CNTROB: variants seen among roughly 807,000 people sequenced by gnomAD.
CNTROB encodes the protein centrobin, centriole duplication and spindle assembly protein, also known as centrobin.
Under a neutral mutation model 115.7 loss-of-function variants are expected in CNTROB, and 82 were observed. The ratio of observed to expected loss-of-function variants is 0.71; its 90% CI spans 0.59 to 0.85. CNTROB has a LOEUF of 0.85. CNTROB is among the 40% of genes least tolerant of loss of function. CNTROB has a pLI of 0.00. For missense variants in CNTROB, 1,014 were observed against 1,144.4 expected (o/e 0.89, Z 1.64); for synonymous variants, 439 against 456.4 (o/e 0.96, Z 0.49).
chr17:7,942,851 G>T (rs964495901), intron 9 of CNTROB, among the ~76,000 whole-genome samples: 2 of 122,502 alleles, frequency 1.6e-5, no homozygotes, highest in African/African-American at 6.2e-5. Flanking sequence ...TCCCAGGTTG[G>T]AGTGCAGTGG....
Position 7,945,715 on chromosome 17 carries a change from C to T in CNTROB, c.1735-13C>T. The T allele has an allele frequency of 6.2e-7, 1 of 1,610,910 alleles. No homozygotes were observed. The highest frequency in any genetic ancestry group is 8.5e-7 in the Non-Finnish European group (1 of 1,178,308). On this transcript the variant is annotated splice_polypyrimidine_tract_variant and intron_variant, in intron 12 of 18. Transcript: ENST00000563694. Reference sequence around the variant, plus strand: ...TGTGCTTTGACCCTTCTTTCTGCCTCTCTCCTGGTCAGGCTCCTCCTGCTG... The same window carrying T: ...TGTGCTTTGACCCTTCTTTCTGCCTTTCTCCTGGTCAGGCTCCTCCTGCTG...
rs781513518 is a variant in CNTROB, at chr17:7,948,143, T to C, written c.2210-14T>C. 6.2e-7 allele frequency: 1 copy of C among 1,614,064 alleles called. No homozygotes were observed. ...CCCCATTTCCTGATTCTTGGCATTCTTTCCTTTTGCTAGGTCCTCTGACTG... is the reference window on the plus strand; with the variant it reads ...CCCCATTTCCTGATTCTTGGCATTCCTTCCTTTTGCTAGGTCCTCTGACTG... On this transcript the variant is annotated splice_polypyrimidine_tract_variant and intron_variant, in intron 15 of 18. Transcript: ENST00000563694. This position sits in a 1 kb window ranked among gnomAD's most constrained non-coding sequence, Gnocchi z 4.4.
At position 7,933,163 on chromosome 17, in the gene CNTROB, C is replaced by T. The variant is rs1356247605; in HGVS notation, c.84C>T (p.Asn28=). 2 of 1,614,104 alleles carry T rather than the reference C, an allele frequency of 1.2e-6. No individual in the cohort carries two copies. Residue 28 remains asparagine, a synonymous_variant, in exon 1 of 19, where the codon AAC becomes AAT. Coordinates refer to ENST00000563694, the MANE Select transcript of CNTROB (RefSeq NM_053051.5). ...ATTCATCAGAACCCCCTGGGCTCAA[C>T]CAAGTGTCGTCTGAAGTGACCTCCC... ...LSDSSEPPGL[N]QVSSEVTSQL...
chr17:7,940,917 A>G (rs575514115), intron 9 of CNTROB, among the ~76,000 whole-genome samples: 19 of 152,334 alleles, frequency 1.2e-4, no homozygotes, highest in Non-Finnish European at 2.1e-4. Flanking sequence ...GCAACTACCC[A>G]ACTCTGCTGT....
intron 3 of CNTROB, 80 bp from the exon 4 acceptor site, chr17:7,934,909 T>C: frequency 1.4e-6 from 2 of 1,480,468 alleles, no homozygotes; most frequent in South Asian, 2.7e-5. Flanking sequence ...CTCAGTTTCC[T>C]CATTTGTAGA....
chr17:7,949,400 G>A lies in CNTROB; in HGVS notation c.2602G>A (p.Val868Ile). The A allele has an allele frequency of 1.9e-6, 3 of 1,614,084 alleles. No homozygotes were observed. The highest frequency in any genetic ancestry group is 2.5e-6 in the Non-Finnish European group (3 of 1,180,014). ...CAACTCTCAGATTCCCTCCCAGGCTGTCCCTCGCCGCCTTGCTACAGCCCC... is the reference window on the plus strand; with the variant it reads ...CAACTCTCAGATTCCCTCCCAGGCTATCCCTCGCCGCCTTGCTACAGCCCC... ...IPRKEIPSQA[V>I]PRRLATAPKT... The change falls in exon 19 of 19, where the codon GTC (valine) becomes ATC (isoleucine). Residue 868 changes from valine (V) to isoleucine (I), a missense_variant. By Grantham distance (29) the Val-to-Ile change is conservative. Coordinates refer to ENST00000563694, the MANE Select transcript of CNTROB (RefSeq NM_053051.5).
intron 13 of CNTROB, among the ~76,000 whole-genome samples, chr17:7,946,843 G>T (rs1177031828): frequency 6.7e-6 from 1 of 149,798 alleles, no homozygotes; most frequent in African/African-American, 2.5e-5. Context: ...ACTCTAGCCT[G>T]GGCAACACAG....
Position 7,943,630 on chromosome 17 carries a change from C to A in CNTROB, c.1445+106C>A. 2 of 1,244,294 alleles carry A rather than the reference C, an allele frequency of 1.6e-6. No homozygotes were observed. The highest frequency in any genetic ancestry group is 2.6e-5 in the East Asian group (1 of 38,978). The allele number at this position is 1,244,294 out of a possible 1,614,324, so 77.1% of individuals were successfully genotyped here. On this transcript the variant is annotated intron_variant, in intron 10 of 18. Coordinates refer to ENST00000563694, the MANE Select transcript of CNTROB (RefSeq NM_053051.5). This position sits in a 1 kb window ranked among gnomAD's most constrained non-coding sequence, Gnocchi z 4.7. ...TTTGCCATGGTCCAGCACTGTGACT[C>A]CCAGGGTGCGCTAACTCCCATCAGC...
At position 7,932,287 on chromosome 17, in the gene CNTROB, T is replaced by A. The variant is rs1015506467; in HGVS notation, c.-793T>A. ...ATCTCAGGGGAGGAGGTCAATCGCT[T>A]GCCCCCCACTTTGGCAAATTGGGGA... On this transcript the variant is annotated 5_prime_UTR_variant, in exon 1 of 19. Coordinates refer to ENST00000563694, the MANE Select transcript of CNTROB (RefSeq NM_053051.5). 7 of 185,254 alleles carry A rather than the reference T, an allele frequency of 3.8e-5. No individual in the cohort carries two copies. The highest frequency in any genetic ancestry group is 1.1e-5 in the Non-Finnish European group (1 of 87,280). The allele number at this position is 185,254 out of a possible 1,614,324, so 11.5% of individuals were successfully genotyped here.
In CNTROB at chr17:7,940,077, T is replaced by C. The variant is rs1405807013; in HGVS notation, c.1165-19T>C. The C allele has an allele frequency of 6.3e-7, 1 of 1,578,046 alleles. No homozygotes were observed. Among genetic ancestry groups the C allele is most frequent in the African/African-American group, 1.4e-5 (1 of 73,408 alleles). ...ATAAGAAATGAGGTATGTATATACA[T>C]TTGATTTGTCTTTCATAGGAGAAGA... is the stretch of plus-strand genomic sequence containing the variant. On this transcript the variant is annotated intron_variant, in intron 8 of 18. Transcript: ENST00000563694.
intron 18 of CNTROB, 25 bp downstream of exon 18, chr17:7,949,182 A>G: frequency 1.2e-6 from 2 of 1,607,226 alleles, no homozygotes; most frequent in African/African-American, 1.3e-5. Flanking sequence ...GGCAGGGACC[A>G]GGGGAGAAAA....
rs1325970506 is a variant in CNTROB at position 7,944,618 on chromosome 17, C to T, written c.1714C>T (p.Leu572Phe). 1 of 1,610,872 alleles carries T rather than the reference C, an allele frequency of 6.2e-7. No homozygotes were observed. Among genetic ancestry groups the T allele is most frequent in the East Asian group, 2.2e-5 (1 of 44,760 alleles). ...GGCCAACCAGCTGCTCAGCACCACT[C>T]TCCCGCCGCCCAACCCTCCAGTACG... is the stretch of plus-strand genomic sequence containing the variant. ...DEANQLLSTTLPPPNPPAPPA... is the reference protein window; with the variant it reads ...DEANQLLSTTFPPPNPPAPPA... Residue 572 changes from leucine to phenylalanine, a missense_variant, in exon 12 of 19, where the codon CTC (leucine) becomes TTC (phenylalanine). Physicochemically the swap from Leu to Phe is conservative, Grantham distance 22. Coordinates refer to ENST00000563694, the MANE Select transcript of CNTROB (RefSeq NM_053051.5). The surrounding 1 kb of genome is among the most constrained non-coding windows in gnomAD (Gnocchi z 4.0).
chr17:7,946,131 T>C, intron 13 of CNTROB, 145 bp downstream of exon 13: 2 of 712,432 alleles, frequency 2.8e-6, no homozygotes, highest in South Asian at 1.7e-5. Flanking sequence ...AGAAATCTGC[T>C]CACATTGGTC....
At position 7,936,443 on chromosome 17, in the gene CNTROB, C is replaced by T. The variant is rs142280568; in HGVS notation, c.672C>T (p.Ala224=). The change falls in exon 5 of 19, where the codon GCC becomes GCT. Residue 224 remains alanine, a synonymous_variant. Transcript: ENST00000563694. ...AACAATTAGCCGTGGCTGTGGCTGC[C>T]GACCGCAAGAAAGATACCATGATTG... ...LQQQLAVAVA[A]DRKKDTMIEQ... The T allele has an allele frequency of 1.0e-5, 16 of 1,553,402 alleles. No individual in the cohort carries two copies. Among genetic ancestry groups the T allele is most frequent in the African/African-American group, 1.4e-5 (1 of 73,614 alleles).
rs983810580 is a variant in CNTROB, at chr17:7,939,906, C to T, written c.1164+157C>T. Among the ~76,000 whole-genome samples the T allele has an allele frequency of 3.9e-5, 6 of 151,932 alleles. No homozygotes were observed. The highest frequency in any genetic ancestry group is 1.5e-4 in the African/African-American group (6 of 41,332). On this transcript the variant is annotated intron_variant, in intron 8 of 18. Coordinates refer to ENST00000563694, the MANE Select transcript of CNTROB (RefSeq NM_053051.5). The surrounding 1 kb of genome is among the most constrained non-coding windows in gnomAD (Gnocchi z 4.4). ...GACAAGGTTGAGAGTATAGGGCCAG[C>T]AGGAAGGGCTGGGGGTAATGAATAC...
chr17:7,946,010 G>C, intron 13 of CNTROB, 24 bp downstream of exon 13: 1 of 1,609,400 alleles, frequency 6.2e-7, no homozygotes, highest in Non-Finnish European at 8.5e-7. Context: ...GAAGTCACTG[G>C]GGTTCCCCTT....
rs748892918 is a variant in CNTROB, at chr17:7,945,823, G to A, written c.1830G>A (p.Lys610=). The change falls in exon 13 of 19, where the codon AAG becomes AAA. Residue 610 remains lysine (K), a synonymous_variant. Coordinates refer to ENST00000563694, the MANE Select transcript of CNTROB (RefSeq NM_053051.5). ...TGCCTCCCATGGCCGTGGCCCTGAA[G>A]CCTGTATTGCAGCAGAGCCGGGAAG... ...WTMPPMAVAL[K]PVLQQSREAR... 2.5e-6 allele frequency: 4 copies of A among 1,614,234 alleles called. No individual in the cohort carries two copies. The highest frequency in any genetic ancestry group is 3.4e-6 in the Non-Finnish European group (4 of 1,180,046).
intron 4 of CNTROB, 113 bp downstream of exon 4, chr17:7,935,258 C>A: frequency 6.6e-7 from 1 of 1,512,998 alleles, no homozygotes; most frequent in Non-Finnish European, 9.0e-7. Context: ...AATCACAGCA[C>A]TTTGGGAGGC....
At position 7,932,942 on chromosome 17, in the gene CNTROB, C is replaced by T; in HGVS notation, c.-138C>T. ...CCTCTAACCAGAAAGCCTCGATATC[C>T]TTAATTCACCAAGGATCCTTGGCGT... On this transcript the variant is annotated 5_prime_UTR_variant, in exon 1 of 19. Coordinates refer to ENST00000563694, the MANE Select transcript of CNTROB (RefSeq NM_053051.5). 1.0e-6 allele frequency: 1 copy of T among 976,194 alleles called. No individual in the cohort carries two copies. Among genetic ancestry groups the T allele is most frequent in the Non-Finnish European group, 1.5e-6 (1 of 659,972 alleles). 60.5% of individuals were successfully genotyped at this position (976,194 alleles called of 1,614,324 possible).
Sources: allele counts gnomAD v4.1 joint callset (sites outside exome capture counted in the v4.1 genomes callset), GRCh38; gene constraint gnomAD v4.1.1; non-coding constraint Gnocchi (gnomAD v3.1); transcripts MANE v1.5; gene names NCBI Gene and HGNC (gene_info 2026-07-23, HGNC 2026-07-21).